The following FYB2 variants were observed in gnomAD, a reference collection of about 807,000 sequenced individuals.
FYB2 encodes the protein FYN binding protein 2.
FYB2 carries 103 observed loss-of-function variants against 94.1 expected under a neutral mutation model. The observed-to-expected ratio is 1.09, with a 90% CI of 0.93 to 1.29. The LOEUF is 1.29. Ranked by LOEUF, FYB2 falls within the 50% of genes most tolerant of loss-of-function variation. The probability of loss-of-function intolerance (pLI) is 0.00; values close to 1 mark genes in which losing one functional copy is unlikely to be tolerated. For synonymous variants in FYB2, 293 were observed against 287.9 expected, an observed-to-expected ratio of 1.02 and a Z score of -0.18; for missense variants, 896 against 841.5, an observed-to-expected ratio of 1.06 and a Z score of -0.80.
At chr1:56,819,525 G>C, upstream of FYB2, 1 of 604,226 alleles carries the variant, frequency 1.7e-6, no homozygotes, top group Middle Eastern at 4.4e-4. Context: ...GCACCTGCAG[G>C]GGACTGGGGA....
chr1:56,814,878 T>C (rs1199845731), intron 1 of FYB2, among the ~76,000 whole-genome samples: 1 of 151,968 alleles, frequency 6.6e-6, no homozygotes, highest in Non-Finnish European at 1.5e-5. Flanking sequence ...CTACATGGGG[T>C]TTCACAGACA....
In FYB2 at chr1:56,818,786, C is replaced by T. The variant is rs192433713; in HGVS notation, c.9+496G>A. On this transcript the variant is annotated intron_variant, in intron 1 of 19. Coordinates refer to ENST00000343433, the MANE Select transcript of FYB2 (RefSeq NM_001004303.5). Reference sequence around the variant, plus strand: ...GGGCTCAGGATGACGGACACACTTGCCCCAGGCCACACAGTTAACAAGGAG... The same window carrying T: ...GGGCTCAGGATGACGGACACACTTGTCCCAGGCCACACAGTTAACAAGGAG... 8.1e-4 allele frequency among the ~76,000 whole-genome samples: 123 copies of T among 152,244 alleles called. 1 individual carries two copies. Among genetic ancestry groups the T allele is most frequent in the African/African-American group, 2.6e-3 (110 of 41,536 alleles).
At chr1:56,803,288 G>C (rs1373692640) in intron 1 of FYB2, among the ~76,000 whole-genome samples, 1 of 152,112 alleles carries the variant, frequency 6.6e-6, no homozygotes, top group Non-Finnish European at 1.5e-5. Context: ...GTCTCATGTT[G>C]GTTCAGGCAG....
In FYB2 at chr1:56,792,192, A is replaced by T. The variant is rs1646284491; in HGVS notation, c.621T>A (p.His207Gln). 1 of 1,614,046 alleles carries T rather than the reference A, an allele frequency of 6.2e-7. No homozygotes were observed. Among genetic ancestry groups the T allele is most frequent in the African/African-American group, 1.3e-5 (1 of 75,022 alleles). Residue 207 changes from histidine (H) to glutamine (Q), a missense_variant, in exon 2 of 20, where the codon CAT becomes CAA. By Grantham distance (24) the His-to-Gln change is conservative. Transcript: ENST00000343433. ...CAAAAGAGGGATCTTCAGAGACGTT[A>T]TGTAATATTTTGGGGGCCACCACGT... is the stretch of plus-strand genomic sequence containing the variant. ...QKHVVAPKIL[H>Q]NVSEDPSFVI... is the part of the protein sequence containing the mutation.
At chr1:56,757,190 G>A (rs925037328) in intron 6 of FYB2, among the ~76,000 whole-genome samples, 3 of 152,044 alleles carry the variant, frequency 2.0e-5, no homozygotes, top group Non-Finnish European at 4.4e-5. Context: ...CATTTACTTG[G>A]CAAGTTCATT....
At chr1:56,746,434 T>C (rs1645069324) in intron 9 of FYB2, among the ~76,000 whole-genome samples, 1 of 152,046 alleles carries the variant, frequency 6.6e-6, no homozygotes, top group Admixed American at 6.6e-5. Context: ...TCTGTTTTCT[T>C]TTCTATTTGT....
chr1:56,819,828 C>G (rs75750447), upstream of FYB2: 218 of 163,254 alleles, frequency 1.3e-3, 5 homozygotes, highest in East Asian at 0.036. Flanking sequence ...GGACAGCATG[C>G]CTAAGCCCAC....
intron 15 of FYB2, 132 bp downstream of exon 15, chr1:56,736,955 G>C: frequency 1.4e-6 from 1 of 714,272 alleles, no homozygotes; most frequent in Non-Finnish European, 2.3e-6. Flanking sequence ...CTCTTAGTGA[G>C]AAGACTATCT....
intron 4 of FYB2, among the ~76,000 whole-genome samples, chr1:56,774,220 C>A (rs1022896772): frequency 2.0e-5 from 3 of 152,076 alleles, no homozygotes; most frequent in Admixed American, 1.3e-4. Context: ...GAAACATAGG[C>A]TTCAGAAAGA....
intron 7 of FYB2, among the ~76,000 whole-genome samples, chr1:56,754,724 C>T (rs1274261250): frequency 1.3e-5 from 2 of 152,080 alleles, no homozygotes; most frequent in Admixed American, 1.3e-4. Flanking sequence ...CAAGTAACCC[C>T]TCACTCCCAA....
intron 1 of FYB2, among the ~76,000 whole-genome samples, chr1:56,805,184 G>C (rs545237112): frequency 3.3e-5 from 5 of 151,988 alleles, no homozygotes; most frequent in East Asian, 1.9e-4. Flanking sequence ...ATTTACATAC[G>C]TGTCTGCTTT....
chr1:56,760,812 T>C (rs1361990609), intron 5 of FYB2, among the ~76,000 whole-genome samples: 2 of 152,158 alleles, frequency 1.3e-5, no homozygotes, highest in African/African-American at 4.8e-5. Flanking sequence ...TGTTACTGCT[T>C]TTTAACAAAG....
At chr1:56,764,233 T>G (rs1217734184) in intron 5 of FYB2, among the ~76,000 whole-genome samples, 2 of 152,128 alleles carry the variant, frequency 1.3e-5, no homozygotes, top group Non-Finnish European at 2.9e-5. Context: ...GGATTACAGG[T>G]GTGAGGCACC....
Position 56,726,679 on chromosome 1 carries a change from T to C in FYB2, c.1794-96A>G, listed in dbSNP as rs543824796. ...ATGGGCAATTATGTTTTACAAAAAATTAAAAAGTCATCTAGAAATATATTT... is the reference window on the plus strand; with the variant it reads ...ATGGGCAATTATGTTTTACAAAAAACTAAAAAGTCATCTAGAAATATATTT... On this transcript the variant is annotated intron_variant, in intron 15 of 19. Transcript: ENST00000343433. 4.3e-4 allele frequency: 438 copies of C among 1,014,180 alleles called. 8 individuals are homozygous for C. The South Asian group carries it at 6.6e-3, about 15-fold the overall frequency. 62.8% of individuals were successfully genotyped at this position (1,014,180 alleles called of 1,614,324 possible). A position where few individuals can be genotyped will look rare whatever the true frequency, so the allele number is the denominator to read the frequency against.
At chr1:56,796,273 C>G (rs867982021) in intron 1 of FYB2, among the ~76,000 whole-genome samples, 2 of 151,990 alleles carry the variant, frequency 1.3e-5, no homozygotes, top group African/African-American at 4.8e-5. Flanking sequence ...TATCCATCAC[C>G]CATAGGTGGA....
upstream of FYB2, among the ~76,000 whole-genome samples, chr1:56,821,508 A>T (rs575715053): frequency 2.0e-5 from 3 of 152,202 alleles, no homozygotes; most frequent in East Asian, 5.8e-4. Context: ...GGGAAAGTCA[A>T]CTCTGAGATG....
chr1:56,774,845 A>T (rs1473309196), intron 4 of FYB2, among the ~76,000 whole-genome samples: 1 of 151,992 alleles, frequency 6.6e-6, no homozygotes, highest in Non-Finnish European at 1.5e-5. Context: ...AAAATAATAG[A>T]CTGCCTGAGT....
chr1:56,777,529 C>T (rs1645908872), intron 4 of FYB2, among the ~76,000 whole-genome samples: 1 of 152,148 alleles, frequency 6.6e-6, no homozygotes, highest in African/African-American at 2.4e-5. Context: ...AAATGAGATA[C>T]ACCCAGGGAA....
intron 1 of FYB2, among the ~76,000 whole-genome samples, chr1:56,813,118 C>T (rs74798634): frequency 0.027 from 4,103 of 152,268 alleles, 93 homozygotes; most frequent in Non-Finnish European, 0.033. Flanking sequence ...CACCACTGTG[C>T]ATCTCTCCAG....
Sources: allele counts gnomAD v4.1 joint callset (sites outside exome capture counted in the v4.1 genomes callset), GRCh38; gene constraint gnomAD v4.1.1; transcripts MANE v1.5; gene names NCBI Gene and HGNC (gene_info 2026-07-23, HGNC 2026-07-21).